ADAMTS3: variants seen among roughly 807,000 people sequenced by gnomAD.
ADAMTS3 encodes ADAM metallopeptidase with thrombospondin type 1 motif 3.
In ADAMTS3, 73 loss-of-function variants were observed where a neutral mutation model predicts 129.0. That is an observed-to-expected ratio of 0.57 (90% confidence interval 0.47 to 0.69). The LOEUF is 0.69. Ranked by LOEUF, ADAMTS3 falls within the 30% of genes least tolerant of loss-of-function variation. ADAMTS3 has a pLI of 0.00. For missense variants in ADAMTS3, 1,457 were observed against 1,514.5 expected, an observed-to-expected ratio of 0.96 and a Z score of 0.63; for synonymous variants, 477 against 510.8, an observed-to-expected ratio of 0.93 and a Z score of 0.89.
intron 3 of ADAMTS3, among the ~76,000 whole-genome samples, chr4:72,522,390 T>A (rs1175447264): frequency 6.6e-6 from 1 of 152,200 alleles, no homozygotes; most frequent in Non-Finnish European, 1.5e-5. Context: ...AATGTGCTCT[T>A]TCCACACAAT....
Position 72,519,458 on chromosome 4 carries a change from A to G in ADAMTS3, c.504+29020T>C, listed in dbSNP as rs993911225. On this transcript the variant is annotated intron_variant, in intron 3 of 21. Transcript: ENST00000286657. The stretch of plus-strand genomic sequence containing the variant: ...TTTCCAACTTGGTTCCATTCTCCCC[A>G]TCACTTTCAGGTACACAAATCAGAC... 6.8e-4 allele frequency among the ~76,000 whole-genome samples: 104 copies of G among 151,990 alleles called. 1 individual carries two copies. Among genetic ancestry groups the G allele is most frequent in the Admixed American group, 2.9e-3 (44 of 15,256 alleles).
At chr4:72,449,423 A>G (rs898237202) in intron 3 of ADAMTS3, among the ~76,000 whole-genome samples, 1 of 151,624 alleles carries the variant, frequency 6.6e-6, no homozygotes, top group South Asian at 2.1e-4. Flanking sequence ...TCCAGGCATT[A>G]TCATTGTCTT....
intron 3 of ADAMTS3, among the ~76,000 whole-genome samples, chr4:72,476,786 A>G (rs1018080138): frequency 1.3e-5 from 2 of 152,164 alleles, no homozygotes; most frequent in African/African-American, 4.8e-5. Flanking sequence ...CATAGCAATA[A>G]TATAATGATA....
chr4:72,305,196 AG>A (rs1194182668), intron 16 of ADAMTS3, among the ~76,000 whole-genome samples: 1 of 152,060 alleles, frequency 6.6e-6, no homozygotes, highest in African/African-American at 2.4e-5. Flanking sequence ...ACCTCTTTAA[AG>A]TGACATTTCC....
intron 3 of ADAMTS3, among the ~76,000 whole-genome samples, chr4:72,536,125 A>G (rs1208919438): frequency 2.0e-5 from 3 of 152,214 alleles, no homozygotes; most frequent in Non-Finnish European, 4.4e-5. Flanking sequence ...GACAACAGCA[A>G]TAAGAAGTCT....
intron 4 of ADAMTS3, among the ~76,000 whole-genome samples, chr4:72,363,926 A>G (rs1207506419): frequency 2.0e-5 from 3 of 152,016 alleles, no homozygotes; most frequent in Admixed American, 6.6e-5. Flanking sequence ...TGGCGACGAT[A>G]ATGATGATGA....
rs565767935 is a variant in ADAMTS3 at position 72,346,174 on chromosome 4, T to G, written c.662-6481A>C. ...GTCCAACAGATTGTGTCTTCCTGCA[T>G]TACTTTCTTAGGAACAGGTAAAAAC... On this transcript the variant is annotated intron_variant, in intron 4 of 21. Coordinates refer to ENST00000286657, the MANE Select transcript of ADAMTS3 (RefSeq NM_014243.3). 5.3e-5 allele frequency among the ~76,000 whole-genome samples: 8 copies of G among 152,294 alleles called. No individual in the cohort carries two copies. The East Asian group carries it at 1.4e-3, about 26-fold the overall frequency.
intron 4 of ADAMTS3, among the ~76,000 whole-genome samples, chr4:72,360,090 T>A (rs914829460): frequency 1.3e-5 from 2 of 152,110 alleles, no homozygotes; most frequent in African/African-American, 4.8e-5. Context: ...TTTTACCAAT[T>A]ATTTTTTCAC....
At chr4:72,311,313 T>C (rs2109796900) in intron 13 of ADAMTS3, 132 bp from the exon 14 acceptor site, 1 of 813,736 alleles carries the variant, frequency 1.2e-6, no homozygotes, top group Non-Finnish European at 1.8e-6. Context: ...TATAAACAAA[T>C]AAAATAAGGA....
intron 3 of ADAMTS3, among the ~76,000 whole-genome samples, chr4:72,416,388 G>A (rs991590267): frequency 2.6e-5 from 4 of 151,564 alleles, no homozygotes; most frequent in East Asian, 1.9e-4. Context: ...CCACTTCTAC[G>A]CTTGCCTTTA....
chr4:72,373,591 T>A (rs1395760600), intron 4 of ADAMTS3, among the ~76,000 whole-genome samples: 1 of 152,086 alleles, frequency 6.6e-6, no homozygotes, highest in Non-Finnish European at 1.5e-5. Flanking sequence ...TAACTTCCAA[T>A]GCTTTAAGTC....
intron 5 of ADAMTS3, among the ~76,000 whole-genome samples, chr4:72,327,074 A>G (rs763516603): frequency 1.3e-5 from 2 of 152,186 alleles, no homozygotes; most frequent in African/African-American, 4.8e-5. Context: ...TACGTTTTAA[A>G]TGCTTACTCA....
chr4:72,437,315 G>T (rs996088833), intron 3 of ADAMTS3, among the ~76,000 whole-genome samples: 4 of 151,798 alleles, frequency 2.6e-5, no homozygotes, highest in Admixed American at 2.6e-4. Context: ...ATAGGGATCA[G>T]CATGAAAAGC....
At chr4:72,297,117 G>A (rs1254370122) in intron 18 of ADAMTS3, among the ~76,000 whole-genome samples, 1 of 152,008 alleles carries the variant, frequency 6.6e-6, no homozygotes, top group South Asian at 2.1e-4. Flanking sequence ...ATTCATTCAT[G>A]CATGCATTCA....
chr4:72,474,837 T>G (rs1226037947), intron 3 of ADAMTS3, among the ~76,000 whole-genome samples: 1 of 151,616 alleles, frequency 6.6e-6, no homozygotes, highest in Non-Finnish European at 1.5e-5. Context: ...CCATCCCGGC[T>G]AAAACGGTGA....
At chr4:72,511,816 GT>G (rs1720323024) in intron 3 of ADAMTS3, among the ~76,000 whole-genome samples, 1 of 152,130 alleles carries the variant, frequency 6.6e-6, no homozygotes, top group Non-Finnish European at 1.5e-5. Context: ...GCACTATTAG[GT>G]TTGCTGCAGT....
At chr4:72,527,137 T>A (rs1051381932) in intron 3 of ADAMTS3, among the ~76,000 whole-genome samples, 1 of 152,122 alleles carries the variant, frequency 6.6e-6, no homozygotes, top group Middle Eastern at 3.2e-3. Flanking sequence ...AAATCAAACA[T>A]TATCTCAGAC....
At chr4:72,526,725 T>TATAC (rs1235070692) in intron 3 of ADAMTS3, among the ~76,000 whole-genome samples, 177 of 67,980 alleles carry the variant, frequency 2.6e-3, no homozygotes, top group African/African-American at 6.7e-3. Flanking sequence ...AGAAAAAATA[T>TATAC]ATACATACAT....
intron 3 of ADAMTS3, among the ~76,000 whole-genome samples, chr4:72,428,922 TA>T (rs1270054907): frequency 6.6e-6 from 1 of 152,062 alleles, no homozygotes; most frequent in Non-Finnish European, 1.5e-5. Context: ...AAGATGATTG[TA>T]AGACTCATAT....
Sources: gnomAD v4.1 joint callset for allele counts (sites outside exome capture counted in the v4.1 genomes callset) on GRCh38, gnomAD v4.1.1 for gene constraint, MANE v1.5 for transcripts, NCBI Gene and HGNC (gene_info 2026-07-23, HGNC 2026-07-21) for gene names.